Variants in RBFOX1 observed in about 807,000 individuals in gnomAD.
The protein encoded by RBFOX1 is RNA binding fox-1 homolog 1, also known as RNA binding protein fox-1 homolog 1.
RBFOX1 carries 8 observed loss-of-function variants against 57.7 expected under a neutral mutation model. That is an observed-to-expected ratio of 0.14 (90% CI 0.08 to 0.25). RBFOX1 has a LOEUF of 0.25. RBFOX1 is among the 10% of genes least tolerant of loss of function. RBFOX1 has a pLI of 1.00. For synonymous variants in RBFOX1, 326 were observed against 222.4 expected (o/e 1.47, Z -4.15); for missense variants, 611 against 548.5 (o/e 1.11, Z -1.14).
At chr16:6,364,520 T>C (rs1469084581) in intron 2 of RBFOX1, among the ~76,000 whole-genome samples, 1 of 152,206 alleles carries the variant, frequency 6.6e-6, no homozygotes, top group African/African-American at 2.4e-5. Context: ...AGTGGTACCT[T>C]TCAGCTGGCC....
intron 3 of RBFOX1, among the ~76,000 whole-genome samples, chr16:6,866,312 C>G (rs905483265): frequency 6.6e-6 from 1 of 151,714 alleles, no homozygotes; most frequent in East Asian, 1.9e-4. Flanking sequence ...AAGTTTCAAG[C>G]TATGATGAAA....
At chr16:7,299,190 G>A (rs551681462) in intron 4 of RBFOX1, among the ~76,000 whole-genome samples, 2 of 152,166 alleles carry the variant, frequency 1.3e-5, no homozygotes, top group Non-Finnish European at 2.9e-5. Flanking sequence ...TTTCTCCACA[G>A]TGATGTCAAA....
chr16:5,672,243 C>A lies in RBFOX1; in HGVS notation c.318+73282C>A, dbSNP rs539623371. 2.0e-5 allele frequency among the ~76,000 whole-genome samples: 3 copies of A among 152,246 alleles called. No homozygotes were observed. The East Asian group carries it at 5.8e-4, about 29-fold the overall frequency. ...TGAGCTTCATAGTGGCCCTTTGGAA[C>A]TGTCTGGGCAGATGCCTACCTCTCT... On this transcript the variant is annotated intron_variant, in intron 3 of 19. Coordinates refer to the RBFOX1 transcript ENST00000641259.
intron 2 of RBFOX1, among the ~76,000 whole-genome samples, chr16:6,449,423 G>A (rs1219551709): frequency 1.3e-5 from 2 of 152,222 alleles, no homozygotes; most frequent in African/African-American, 4.8e-5. Flanking sequence ...AGTTTCTTTG[G>A]AAGGCAGGCT....
intron 4 of RBFOX1, among the ~76,000 whole-genome samples, chr16:7,316,538 C>A (rs1033176218): frequency 6.6e-6 from 1 of 152,140 alleles, no homozygotes; most frequent in African/African-American, 2.4e-5. Flanking sequence ...TGAAGGGATA[C>A]AGACAAGGAA....
At chr16:6,988,728 C>G (rs1384870651) in intron 3 of RBFOX1, among the ~76,000 whole-genome samples, 3 of 115,536 alleles carry the variant, frequency 2.6e-5, no homozygotes, top group African/African-American at 1.1e-4. Context: ...TCACACCCAG[C>G]TAATTTTTTT....
intron 3 of RBFOX1, among the ~76,000 whole-genome samples, chr16:6,796,695 A>C (rs1262786512): frequency 6.6e-6 from 1 of 152,100 alleles, no homozygotes; most frequent in African/African-American, 2.4e-5. Flanking sequence ...TTGGTAAGAG[A>C]TTCTTTTTTG....
chr16:6,244,509 T>C (rs2152931875), intron 1 of RBFOX1, among the ~76,000 whole-genome samples: 1 of 152,220 alleles, frequency 6.6e-6, no homozygotes, highest in African/African-American at 2.4e-5. Context: ...ACTTCATACT[T>C]TTTTGTTTTT....
intron 11 of RBFOX1, among the ~76,000 whole-genome samples, chr16:7,647,984 G>C (rs986346455): frequency 6.6e-6 from 1 of 152,118 alleles, no homozygotes; most frequent in Non-Finnish European, 1.5e-5. Flanking sequence ...CATCTGTCCA[G>C]GTAATCATCT....
intron 3 of RBFOX1, among the ~76,000 whole-genome samples, chr16:7,047,844 A>C (rs372129191): frequency 6.7e-6 from 1 of 148,170 alleles, no homozygotes; most frequent in African/African-American, 2.5e-5. Flanking sequence ...CTGTGTTTGG[A>C]CACCTTCAGT....
chr16:7,264,937 A>G (rs112403062), intron 4 of RBFOX1, among the ~76,000 whole-genome samples: 21 of 152,338 alleles, frequency 1.4e-4, no homozygotes, highest in African/African-American at 4.3e-4. Context: ...CAAGAGTCCA[A>G]CACTTTCCAT....
intron 2 of RBFOX1, among the ~76,000 whole-genome samples, chr16:6,612,431 CTAATTACGTATATTGACTTATT>C (rs899207783): frequency 1.1e-4 from 16 of 152,160 alleles, no homozygotes; most frequent in African/African-American, 3.6e-4. Context: ...GTGCAGATCT[CTAATTACGTATATTGACTTATT>C]TAAGTTTCAC....
chr16:6,772,242 T>C (rs964113616), intron 3 of RBFOX1, among the ~76,000 whole-genome samples: 1 of 152,062 alleles, frequency 6.6e-6, no homozygotes, highest in Admixed American at 6.6e-5. Flanking sequence ...TTTAATATCA[T>C]ATTTTATATA....
chr16:7,394,158 C>T (rs1358073625), intron 4 of RBFOX1, among the ~76,000 whole-genome samples: 4 of 139,318 alleles, frequency 2.9e-5, no homozygotes, highest in Non-Finnish European at 4.5e-5. Flanking sequence ...ATTGCTTGAA[C>T]CCAGGAGGCA....
intron 15 of RBFOX1, chr16:7,709,961 C>A: frequency 9.9e-7 from 1 of 1,010,314 alleles, no homozygotes; most frequent in Non-Finnish European, 1.2e-6. Context: ...CATAGGCATT[C>A]ATTTGAATTG....
rs543181836 is a variant in RBFOX1 at position 6,714,419 on chromosome 16, C to G, written c.-16+59769C>G. On this transcript the variant is annotated intron_variant, in intron 3 of 15. Transcript: ENST00000550418. ...CACCTGCAGAATTTATTTTGTGAAG[C>G]CACTGACCACTATATGGAAGTGAAG... is the stretch of plus-strand genomic sequence containing the variant. 7.9e-5 allele frequency among the ~76,000 whole-genome samples: 12 copies of G among 152,204 alleles called. 1 individual carries two copies. The highest frequency in any genetic ancestry group is 2.2e-4 in the African/African-American group (9 of 41,532).
chr16:6,674,556 A>C (rs893145530), intron 3 of RBFOX1, among the ~76,000 whole-genome samples: 3 of 152,124 alleles, frequency 2.0e-5, no homozygotes, highest in Non-Finnish European at 4.4e-5. Context: ...TCCTGACCTC[A>C]AGTGATCCAC....
chr16:7,155,734 TATATACAC>T (rs1403351894), intron 4 of RBFOX1, among the ~76,000 whole-genome samples: 312 of 82,346 alleles, frequency 3.8e-3, no homozygotes, highest in African/African-American at 4.3e-3. Flanking sequence ...TATATATATA[TATATACAC>T]ACACACACAC....
intron 3 of RBFOX1, among the ~76,000 whole-genome samples, chr16:6,969,364 T>C (rs568231448): frequency 2.4e-4 from 37 of 152,118 alleles, no homozygotes; most frequent in Admixed American, 9.2e-4. Flanking sequence ...TGATTCCATA[T>C]TTAACTTAAA....
Sources: allele counts gnomAD v4.1 joint callset (sites outside exome capture counted in the v4.1 genomes callset), GRCh38; gene constraint gnomAD v4.1.1; transcripts MANE v1.5; gene names NCBI Gene and HGNC (gene_info 2026-07-23, HGNC 2026-07-21).